PLA2G2F: variants seen among roughly 807,000 people sequenced by gnomAD.
PLA2G2F encodes phospholipase A2 group IIF, also known as group IIF secretory phospholipase A2.
PLA2G2F carries 17 observed loss-of-function variants against 15.9 expected under a neutral mutation model. That is an observed-to-expected ratio of 1.07 (90% CI 0.73 to 1.60). PLA2G2F has a LOEUF of 1.60. Among genes scored for constraint, PLA2G2F ranks in the 40% most tolerant of loss-of-function variants. PLA2G2F has a pLI of 0.00. For synonymous variants in PLA2G2F, 119 were observed against 106.5 expected, an observed-to-expected ratio of 1.12 and a Z score of -0.72; for missense variants, 299 against 278.2, an observed-to-expected ratio of 1.07 and a Z score of -0.53.
In PLA2G2F at chr1:20,144,584, T is replaced by G. The variant is rs1396216491; in HGVS notation, c.319T>G (p.Cys107Gly). 1 of 1,608,818 alleles carries G rather than the reference T, an allele frequency of 6.2e-7. No individual in the cohort carries two copies. Among genetic ancestry groups the G allele is most frequent in the Admixed American group, 1.7e-5 (1 of 59,444 alleles). ...GQPKDEVDWC[C>G]HAHDCCYQEL... ...CTCACCTCTGCCGCTCCCTAGGTGC[T>G]GCCACGCCCACGACTGCTGCTACCA... The change falls in exon 4 of 5, where the codon TGC (cysteine) becomes GGC (glycine). Residue 107 changes from cysteine (C) to glycine (G), a missense_variant. Coordinates refer to ENST00000375102, the MANE Select transcript of PLA2G2F (RefSeq NM_022819.4).
At chr1:20,145,149 G>A (rs1248020526) in intron 4 of PLA2G2F, among the ~76,000 whole-genome samples, 1 of 152,026 alleles carries the variant, frequency 6.6e-6, no homozygotes, top group East Asian at 1.9e-4. Context: ...GCTATACAAT[G>A]AAAAATGTTT....
At chr1:20,147,594 G>A (rs1481882005) in intron 4 of PLA2G2F, among the ~76,000 whole-genome samples, 6 of 151,970 alleles carry the variant, frequency 3.9e-5, no homozygotes, top group African/African-American at 9.7e-5. Flanking sequence ...GATTACAGGC[G>A]TCCACCACCA....
chr1:20,148,379 C>T lies in PLA2G2F; in HGVS notation c.614C>T (p.Pro205Leu), dbSNP rs2017656767. 2 of 1,613,012 alleles carry T rather than the reference C, an allele frequency of 1.2e-6. No individual in the cohort carries two copies. The highest frequency in any genetic ancestry group is 2.7e-5 in the African/African-American group (2 of 75,012). Residue 205 changes from proline (P) to leucine (L), a missense_variant, in exon 5 of 5, where the codon CCA becomes CTA. Coordinates refer to ENST00000375102, the MANE Select transcript of PLA2G2F (RefSeq NM_022819.4). ...PEEVTCSHQS[P>L]APPAPP is the part of the protein sequence containing the mutation. ...GAGGTCACCTGCAGTCACCAATCCCCAGCGCCCCCCGCCCCTCCCTAGAGC... is the reference window on the plus strand; with the variant it reads ...GAGGTCACCTGCAGTCACCAATCCCTAGCGCCCCCCGCCCCTCCCTAGAGC...
intron 2 of PLA2G2F, chr1:20,141,584 A>G (rs1331868381): frequency 1.3e-5 from 2 of 152,248 alleles, no homozygotes; most frequent in Admixed American, 6.6e-5. Context: ...CTCTTGCCAC[A>G]TGGGAGTTGA....
chr1:20,140,202 C>T lies in PLA2G2F; in HGVS notation c.153C>T (p.Ala51=). The T allele has an allele frequency of 6.2e-7, 1 of 1,613,916 alleles. No homozygotes were observed. The highest frequency in any genetic ancestry group is 2.2e-5 in the East Asian group (1 of 44,862). Reference sequence around the variant, plus strand: ...GTATGAAGAAGTTCTTCACCGTGGCCATCCTTGCTGGCAGCGGTGAGTAAA... The same window carrying T: ...GTATGAAGAAGTTCTTCACCGTGGCTATCCTTGCTGGCAGCGGTGAGTAAA... ...SLGMKKFFTV[A]ILAGSVLSTA... Residue 51 remains alanine, a synonymous_variant, in exon 2 of 5, where the codon GCC becomes GCT. Coordinates refer to ENST00000375102, the MANE Select transcript of PLA2G2F (RefSeq NM_022819.4).
In PLA2G2F at chr1:20,149,429, C is replaced by A. The variant is rs41307880; in HGVS notation, c.*1028C>A. The A allele has an allele frequency of 2.6e-5, 4 of 152,126 alleles. No homozygotes were observed. The highest frequency in any genetic ancestry group is 9.7e-5 in the African/African-American group (4 of 41,270). 9.4% of individuals were successfully genotyped at this position (152,126 alleles called of 1,614,324 possible). ...CCTCTCTCCCTGGGCTGTGGGCAGG[C>A]GTCACAAGTCCCATTGGTGGGGAAG... On this transcript the variant is annotated 3_prime_UTR_variant, in exon 5 of 5. Transcript: ENST00000375102.
chr1:20,143,315 T>A lies in PLA2G2F; in HGVS notation c.170-131T>A, dbSNP rs1015561249. The A allele has an allele frequency of 1.9e-5, 24 of 1,232,050 alleles. No homozygotes were observed. The Admixed American group carries it at 3.8e-4, about 19-fold the overall frequency. 76.3% of individuals were successfully genotyped at this position (1,232,050 alleles called of 1,614,324 possible). A position where few individuals can be genotyped will look rare whatever the true frequency, so the allele number is the denominator to read the frequency against. On this transcript the variant is annotated intron_variant, in intron 2 of 4. Transcript: ENST00000375102. ...CGCTTCTTGCCCCAGCTTCCTCTCC[T>A]GCTTTCTCCTTCCTTCTCCCACCTA...
At chr1:20,145,661 G>C (rs2017574744) in intron 4 of PLA2G2F, among the ~76,000 whole-genome samples, 1 of 152,000 alleles carries the variant, frequency 6.6e-6, no homozygotes, top group South Asian at 2.1e-4. Flanking sequence ...TGCCCAGGCT[G>C]GAGTTCAGCG....
At chr1:20,140,031 G>T (rs188857896) in intron 1 of PLA2G2F, 135 bp from the exon 2 acceptor site, 1 of 922,124 alleles carries the variant, frequency 1.1e-6, no homozygotes, top group Non-Finnish European at 1.7e-6. Context: ...TGATGACAGC[G>T]CTAGGAGCAG....
intron 4 of PLA2G2F, among the ~76,000 whole-genome samples, chr1:20,145,337 A>G (rs1557777425): frequency 6.7e-6 from 1 of 149,608 alleles, no homozygotes; most frequent in Non-Finnish European, 1.5e-5. Context: ...GCTGGAGTGC[A>G]GTGGCATGAT....
intron 4 of PLA2G2F, among the ~76,000 whole-genome samples, chr1:20,146,492 G>T (rs1459942242): frequency 2.0e-5 from 3 of 152,158 alleles, no homozygotes; most frequent in African/African-American, 7.2e-5. Flanking sequence ...AAGCGCAAGT[G>T]GCATCCAAGT....
At chr1:20,145,242 T>C (rs1334668009) in intron 4 of PLA2G2F, among the ~76,000 whole-genome samples, 2 of 152,002 alleles carry the variant, frequency 1.3e-5, no homozygotes, top group Non-Finnish European at 2.9e-5. Flanking sequence ...TTAATATTTA[T>C]AGATAAGGAA....
chr1:20,145,260 G>A (rs1378795676), intron 4 of PLA2G2F, among the ~76,000 whole-genome samples: 1 of 151,772 alleles, frequency 6.6e-6, no homozygotes, highest in African/African-American at 2.4e-5. Flanking sequence ...GAAATGTTTA[G>A]GACATACTTC....
intron 2 of PLA2G2F, 83 bp from the exon 3 acceptor site, chr1:20,143,363 C>A (rs1425365230): frequency 1.3e-6 from 2 of 1,514,192 alleles, no homozygotes; most frequent in Non-Finnish European, 1.8e-6. Context: ...GGAGGATGGT[C>A]AGTCCAGACT....
At position 20,144,680 on chromosome 1, in the gene PLA2G2F, A is replaced by G. The variant is rs1481205439; in HGVS notation, c.415A>G (p.Ile139Val). ...TCACACCATCGAGAACAACACTGAG[A>G]TAGTCTGCAGTGAGTCCCTCCCCTG... ...YDHTIENNTEIVCSDLNKTEC... is the reference protein window; with the variant it reads ...YDHTIENNTEVVCSDLNKTEC... The change falls in exon 4 of 5, where the codon ATA becomes GTA. Residue 139 changes from isoleucine to valine, a missense_variant. Ile to Val is a conservative substitution (Grantham distance 29). Transcript: ENST00000375102. 6.2e-7 allele frequency: 1 copy of G among 1,603,910 alleles called. No individual in the cohort carries two copies. The highest frequency in any genetic ancestry group is 8.5e-7 in the Non-Finnish European group (1 of 1,174,442).
intron 4 of PLA2G2F, among the ~76,000 whole-genome samples, chr1:20,146,271 C>G (rs539190940): frequency 6.6e-6 from 1 of 152,322 alleles, no homozygotes; most frequent in South Asian, 2.1e-4. Context: ...CCCCATCTGG[C>G]CTGTTTCCTC....
At position 20,139,352 on chromosome 1, in the gene PLA2G2F, G is replaced by C; in HGVS notation, c.-76G>C. ...GTGTGCGAGGCAGCGTGAAGCTGGG[G>C]CCTGCTCCCCGCAGCCTCTGGAGCG... is the stretch of plus-strand genomic sequence containing the variant. On this transcript the variant is annotated 5_prime_UTR_variant, in exon 1 of 5. Transcript: ENST00000375102. 6.1e-6 allele frequency: 7 copies of C among 1,142,974 alleles called. No homozygotes were observed. The highest frequency in any genetic ancestry group is 1.3e-5 in the South Asian group (1 of 75,076). 70.8% of individuals were successfully genotyped at this position (1,142,974 alleles called of 1,614,324 possible).
chr1:20,140,546 G>C (rs2017436895), intron 2 of PLA2G2F: 1 of 306,008 alleles, frequency 3.3e-6, no homozygotes, highest in African/African-American at 2.1e-5. Context: ...TTTGTGTGCA[G>C]ACAGGCACAG....
intron 4 of PLA2G2F, among the ~76,000 whole-genome samples, chr1:20,147,706 T>C (rs966119258): frequency 6.6e-6 from 1 of 152,180 alleles, no homozygotes; most frequent in South Asian, 2.1e-4. Context: ...TGTCTTGGCC[T>C]CCCAAAGTGC....
Sources: allele counts gnomAD v4.1 joint callset (sites outside exome capture counted in the v4.1 genomes callset), GRCh38; gene constraint gnomAD v4.1.1; transcripts MANE v1.5; gene names NCBI Gene and HGNC (gene_info 2026-07-23, HGNC 2026-07-21).